KRT6A: variants seen among roughly 807,000 people sequenced by gnomAD.
KRT6A encodes the protein keratin 6A, also known as keratin, type II cytoskeletal 6A.
KRT6A carries 28 observed loss-of-function variants against 48.6 expected under a neutral mutation model. The observed-to-expected ratio is 0.58, with a 90% CI of 0.43 to 0.79. The LOEUF is 0.79. KRT6A is among the 30% of genes least tolerant of loss of function. The pLI, the probability that KRT6A is intolerant of heterozygous loss-of-function variation, is 0.00. For synonymous variants in KRT6A, 301 were observed against 294.2 expected, an observed-to-expected ratio of 1.02 and a Z score of -0.24; for missense variants, 687 against 724.3, an observed-to-expected ratio of 0.95 and a Z score of 0.59.
In KRT6A at chr12:52,491,742, A is replaced by G. The variant is rs1380654155; in HGVS notation, c.541-6T>C. On this transcript the variant is annotated splice_region_variant and splice_polypyrimidine_tract_variant and intron_variant, in intron 1 of 8. Coordinates refer to ENST00000330722, the MANE Select transcript of KRT6A (RefSeq NM_005554.4). ...TGCTGCTCCAGGAACCGCACCTGAAAGAGAGACAAGATGATCATTTTCCAG... is the reference window on the plus strand; with the variant it reads ...TGCTGCTCCAGGAACCGCACCTGAAGGAGAGACAAGATGATCATTTTCCAG... 2.5e-5 allele frequency: 38 copies of G among 1,547,720 alleles called. No homozygotes were observed. The highest frequency in any genetic ancestry group is 3.1e-5 in the Non-Finnish European group (35 of 1,118,600).
At chr12:52,490,374 T>G (rs1938238138) in intron 5 of KRT6A, 195 bp downstream of exon 5, 1 of 1,028,690 alleles carries the variant, frequency 9.7e-7, no homozygotes, top group Admixed American at 2.1e-5. Context: ...ATGGTAGCTT[T>G]CCTCCTGCAT....
intron 8 of KRT6A, 57 bp from the exon 9 acceptor site, chr12:52,488,012 C>T (rs1339566808): frequency 6.2e-7 from 1 of 1,614,068 alleles, no homozygotes; most frequent in Non-Finnish European, 8.5e-7. Context: ...TCCTGTCAGC[C>T]TGAGCCCAGT....
In KRT6A at chr12:52,487,437, A is replaced by G. The variant is rs11544881; in HGVS notation, c.*283T>C. 2.0e-6 allele frequency: 1 copy of G among 511,972 alleles called. No homozygotes were observed. The allele number at this position is 511,972 out of a possible 1,614,324, so 31.7% of individuals were successfully genotyped here. ...ATTTTCTTATAATGCTCAGCCTCAG[A>G]GATAGAACACTGGAGGCAAGAAATT... On this transcript the variant is annotated 3_prime_UTR_variant, in exon 9 of 9. Transcript: ENST00000330722.
At chr12:52,492,183 G>A (rs1938279514) in intron 1 of KRT6A, among the ~76,000 whole-genome samples, 1 of 152,166 alleles carries the variant, frequency 6.6e-6, no homozygotes, top group African/African-American at 2.4e-5. Flanking sequence ...CTGATGTTAT[G>A]GTCATTCTTT....
At position 52,487,476 on chromosome 12, in the gene KRT6A, C is replaced by CAA. The variant is rs10656649; in HGVS notation, c.*243_*244insTT. 0.26 allele frequency: 147,785 copies of CAA among 576,366 alleles called. 20,822 individuals are homozygous for CAA. The highest frequency in any genetic ancestry group is 0.45 in the African/African-American group (23,967 of 53,398). The allele number at this position is 576,366 out of a possible 1,614,324, so 35.7% of individuals were successfully genotyped here. ...AGGCAAGAAATTAATAATTTAGTAA[C>CAA]AGTGAAGCTCCAGTGGTGATTACAT... On this transcript the variant is annotated 3_prime_UTR_variant, in exon 9 of 9. Transcript: ENST00000330722.
Position 52,493,153 on chromosome 12 carries a change from G to T in KRT6A, c.36C>A (p.Ser12Arg). 1 of 1,614,168 alleles carries T rather than the reference G, an allele frequency of 6.2e-7. No individual in the cohort carries two copies. Among genetic ancestry groups the T allele is most frequent in the African/African-American group, 1.3e-5 (1 of 75,062 alleles). ...TGGCACTGAAACCCCGGCGGCTGCTGCTGTGGCTCCTGATGGTGGTGGATG... is the reference window on the plus strand; with the variant it reads ...TGGCACTGAAACCCCGGCGGCTGCTTCTGTGGCTCCTGATGGTGGTGGATG... Reference protein sequence around the residue: ...ASTSTTIRSHSSSRRGFSANS... With the variant: ...ASTSTTIRSHRSSRRGFSANS... The change falls in exon 1 of 9, where the codon AGC becomes AGA. Residue 12 changes from serine (S) to arginine (R), a missense_variant. Coordinates refer to ENST00000330722, the MANE Select transcript of KRT6A (RefSeq NM_005554.4).
At chr12:52,491,418 G>A (rs1276292288) in intron 2 of KRT6A, 104 bp downstream of exon 2, 22 of 1,453,072 alleles carry the variant, frequency 1.5e-5, no homozygotes, top group African/African-American at 2.8e-5. Context: ...TCATTTCCAC[G>A]GACATGGGTT....
In KRT6A at chr12:52,488,555, G is replaced by T; in HGVS notation, c.1204-7C>A. 6.2e-7 allele frequency: 1 copy of T among 1,614,172 alleles called. No individual in the cohort carries two copies. The highest frequency in any genetic ancestry group is 8.5e-7 in the Non-Finnish European group (1 of 1,180,030). Reference sequence around the variant, plus strand: ...CGGCCTGCAGGTTGGCGCACTGGAAGAGGAAAGGAATAGAAGAAACTTGTC... The same window carrying T: ...CGGCCTGCAGGTTGGCGCACTGGAATAGGAAAGGAATAGAAGAAACTTGTC... On this transcript the variant is annotated splice_polypyrimidine_tract_variant and splice_region_variant and intron_variant, in intron 6 of 8. Transcript: ENST00000330722.
chr12:52,489,738 G>A (rs559624437), intron 6 of KRT6A, among the ~76,000 whole-genome samples: 4 of 152,278 alleles, frequency 2.6e-5, no homozygotes, highest in East Asian at 1.9e-4. Context: ...TCTGAGCATC[G>A]TGACTGGTTC....
At chr12:52,490,206 A>T in intron 5 of KRT6A, 138 bp from the exon 6 acceptor site, 1 of 1,546,680 alleles carries the variant, frequency 6.5e-7, no homozygotes, top group Non-Finnish European at 8.9e-7. Context: ...AGTTGATATT[A>T]TGTGGTTGGT....
intron 7 of KRT6A, 110 bp from the exon 8 acceptor site, chr12:52,488,213 T>C (rs1360005096): frequency 6.2e-7 from 1 of 1,613,162 alleles, no homozygotes; most frequent in Non-Finnish European, 8.5e-7. Context: ...GCTCTTTTAG[T>C]TTTCTCTCAG....
rs779001561 is a variant in KRT6A at position 52,492,841 on chromosome 12, G to A, written c.348C>T (p.Ala116=). The change falls in exon 1 of 9, where the codon GCC becomes GCT. Residue 116 remains alanine, a synonymous_variant. Transcript: ENST00000330722. ...GGCCCCCAAAGCCACCAGCAAGGCC[G>A]GCTCCACCACCCAGACCAAAGCCAA... The part of the protein sequence containing the change: ...AGIGFGLGGG[A]GLAGGFGGPG... 2.5e-6 allele frequency: 4 copies of A among 1,611,152 alleles called. No homozygotes were observed. Among genetic ancestry groups the A allele is most frequent in the Admixed American group, 1.7e-5 (1 of 59,730 alleles).
chr12:52,489,330 G>A (rs1028894747), intron 6 of KRT6A, among the ~76,000 whole-genome samples: 2 of 152,056 alleles, frequency 1.3e-5, no homozygotes, highest in African/African-American at 4.8e-5. Context: ...CCAGGCTGGA[G>A]TGCAGTGGCG....
chr12:52,488,327 C>T lies in KRT6A; in HGVS notation c.1424+1G>A. Reference sequence around the variant, plus strand: ...TGAAGGAGTTCGTGTCAGTTACCCACCTGCACTCCTCACCCTCCAGCAGCT... The same window carrying T: ...TGAAGGAGTTCGTGTCAGTTACCCATCTGCACTCCTCACCCTCCAGCAGCT... On this transcript the variant is annotated splice_donor_variant, in intron 7 of 8. Transcript: ENST00000330722. LOFTEE classifies it high-confidence loss of function. 1.2e-6 allele frequency: 2 copies of T among 1,614,076 alleles called. No individual in the cohort carries two copies. Among genetic ancestry groups the T allele is most frequent in the East Asian group, 2.2e-5 (1 of 44,882 alleles).
intron 1 of KRT6A, 117 bp downstream of exon 1, chr12:52,492,531 CT>C: frequency 6.3e-7 from 1 of 1,577,142 alleles, no homozygotes; most frequent in Non-Finnish European, 8.7e-7. Flanking sequence ...TCTGCACTCT[CT>C]GCAGAGCTGG....
At chr12:52,491,849 G>A in intron 1 of KRT6A, 113 bp from the exon 2 acceptor site, 2 of 1,371,132 alleles carry the variant, frequency 1.5e-6, no homozygotes, top group Non-Finnish European at 2.0e-6. Context: ...CTACTACAGT[G>A]CATGTAGAGA....
chr12:52,492,605 T>C (rs893108317), intron 1 of KRT6A, 44 bp downstream of exon 1: 1 of 1,613,744 alleles, frequency 6.2e-7, no homozygotes, highest in African/African-American at 1.3e-5. Context: ...TCCTCTGGTC[T>C]GGGGACCCTG....
intron 5 of KRT6A, 188 bp from the exon 6 acceptor site, chr12:52,490,256 G>A: frequency 1.7e-6 from 2 of 1,161,130 alleles, no homozygotes; most frequent in South Asian, 2.7e-5. Context: ...CCTCATTATG[G>A]CACCACTGCC....
chr12:52,491,578 G>T lies in KRT6A; in HGVS notation c.699C>A (p.Gly233=). 6.2e-7 allele frequency: 1 copy of T among 1,614,128 alleles called. No homozygotes were observed. The highest frequency in any genetic ancestry group is 2.2e-5 in the East Asian group (1 of 44,888). The stretch of plus-strand genomic sequence containing the variant: ...TGCCTCTGAGCTCTGAGTCCAGGCG[G>T]CCCCGTTCCCCGACAATGCTGTCCA... ...RQLDSIVGER[G]RLDSELRGMQ... is the part of the protein sequence containing the mutation. Residue 233 remains glycine, a synonymous_variant, in exon 2 of 9, where the codon GGC becomes GGA. Coordinates refer to ENST00000330722, the MANE Select transcript of KRT6A (RefSeq NM_005554.4).
Sources: allele counts gnomAD v4.1 joint callset (sites outside exome capture counted in the v4.1 genomes callset), GRCh38; gene constraint gnomAD v4.1.1; transcripts MANE v1.5; gene names NCBI Gene and HGNC (gene_info 2026-07-23, HGNC 2026-07-21).